Variants in ATP2B2 observed in about 807,000 individuals in gnomAD.
ATP2B2 encodes the protein ATPase plasma membrane Ca2+ transporting 2.
In ATP2B2, 15 loss-of-function variants were observed where a neutral mutation model predicts 120.0. That is an observed-to-expected ratio of 0.12 (90% CI 0.08 to 0.19). The LOEUF (loss-of-function observed/expected upper bound fraction) is 0.19. Among genes scored for constraint, ATP2B2 ranks in the 10% least tolerant of loss-of-function variants. The pLI is 1.00. For synonymous variants in ATP2B2, 694 were observed against 700.3 expected, an observed-to-expected ratio of 0.99 and a Z score of 0.14; for missense variants, 1,045 against 1,719.8, an observed-to-expected ratio of 0.61 and a Z score of 6.94.
At chr3:10,554,641 G>C (rs2067740856) in intron 2 of ATP2B2, among the ~76,000 whole-genome samples, 1 of 152,338 alleles carries the variant, frequency 6.6e-6, no homozygotes, top group South Asian at 2.1e-4. Flanking sequence ...TCAGACTTCT[G>C]ACTACAGAAC....
chr3:10,407,304 A>G (rs560899742), intron 3 of ATP2B2, among the ~76,000 whole-genome samples: 1 of 152,344 alleles, frequency 6.6e-6, no homozygotes. Flanking sequence ...TTCAAACACA[A>G]TGTGAGCACC....
In ATP2B2 at chr3:10,347,078, G is replaced by A. The variant is rs697972; in HGVS notation, c.2405-941C>T. The stretch of plus-strand genomic sequence containing the variant: ...GTCCCCCAGCCATCCCCGGAATGTC[G>A]TTTTCCTGCTTCCCCCCTTGGTCTC... On this transcript the variant is annotated intron_variant, in intron 16 of 22. Coordinates refer to ENST00000360273, the MANE Select transcript of ATP2B2 (RefSeq NM_001001331.4). This position sits in a 1 kb window ranked among gnomAD's most constrained non-coding sequence, Gnocchi z 5.2. 0.16 allele frequency among the ~76,000 whole-genome samples: 23,910 copies of A among 151,966 alleles called. 2,180 individuals carry two copies. The highest frequency in any genetic ancestry group is 0.41 in the East Asian group (2,124 of 5,156).
chr3:10,638,673 G>T (rs2070088709), intron 1 of ATP2B2, among the ~76,000 whole-genome samples: 1 of 152,204 alleles, frequency 6.6e-6, no homozygotes, highest in African/African-American at 2.4e-5. Context: ...GAGATTGTCA[G>T]ATTGGATTAA....
chr3:10,545,542 TTAAA>T (rs2067527412), intron 2 of ATP2B2, among the ~76,000 whole-genome samples: 1 of 145,214 alleles, frequency 6.9e-6, no homozygotes, highest in Non-Finnish European at 1.5e-5. Context: ...AAAAAAAAAA[TTAAA>T]TAAATAAAAA....
At chr3:10,332,223 C>G in intron 22 of ATP2B2, 1 of 588,608 alleles carries the variant, frequency 1.7e-6, no homozygotes, top group Non-Finnish European at 3.1e-6. Context: ...ACTCCTTGCC[C>G]TAGGAGTCGT....
chr3:10,572,474 CCA>C (rs776158077), intron 2 of ATP2B2, among the ~76,000 whole-genome samples: 9 of 152,280 alleles, frequency 5.9e-5, no homozygotes, highest in Non-Finnish European at 1.2e-4. Context: ...TGCTGCTGAA[CCA>C]CACACTTATA....
chr3:10,334,874 A>G (rs1023600965), intron 22 of ATP2B2, among the ~76,000 whole-genome samples: 1 of 152,124 alleles, frequency 6.6e-6, no homozygotes, highest in Non-Finnish European at 1.5e-5. Flanking sequence ...ATAAAGTTTC[A>G]AGGGGTGAGC....
chr3:10,341,546 A>C (rs371350487), intron 19 of ATP2B2, among the ~76,000 whole-genome samples: 2 of 152,214 alleles, frequency 1.3e-5, no homozygotes, highest in African/African-American at 4.8e-5. Context: ...CCTGACCTCA[A>C]GTGATCCACC....
At chr3:10,619,056 C>A (rs77034935) in intron 2 of ATP2B2, among the ~76,000 whole-genome samples, 23 of 152,128 alleles carry the variant, frequency 1.5e-4, no homozygotes, top group African/African-American at 5.3e-4. Context: ...GCACACACAC[C>A]CACCCCCAAG....
chr3:10,625,111 G>T (rs75585575), intron 1 of ATP2B2, among the ~76,000 whole-genome samples: 6,798 of 152,300 alleles, frequency 0.045, 242 homozygotes, highest in South Asian at 0.14. Context: ...GGTTCAGCAG[G>T]CCCCAGAAAC....
At chr3:10,698,541 G>C (rs2071772876) in intron 1 of ATP2B2, among the ~76,000 whole-genome samples, 1 of 152,218 alleles carries the variant, frequency 6.6e-6, no homozygotes, top group Admixed American at 6.5e-5. Flanking sequence ...CTTTGACAAT[G>C]ACCTGCAGAA....
chr3:10,340,591 T>C lies in ATP2B2; in HGVS notation c.3031A>G (p.Ile1011Val), dbSNP rs2060247971. ...TFVMMQLFNE[I>V]NARKIHGERN... ...TCGCCGTGGATCTTGCGGGCGTTGATCTCGTTGAAGAGCTGCATCATGACG... is the reference window on the plus strand; with the variant it reads ...TCGCCGTGGATCTTGCGGGCGTTGACCTCGTTGAAGAGCTGCATCATGACG... Residue 1011 changes from isoleucine (I) to valine (V), a missense_variant, in exon 20 of 23, where the codon ATC (isoleucine) becomes GTC (valine). Ile to Val is a conservative substitution (Grantham distance 29). Transcript: ENST00000360273. This position sits in a 1 kb window ranked among gnomAD's most constrained non-coding sequence, Gnocchi z 5.0. 2 of 1,614,090 alleles carry C rather than the reference T, an allele frequency of 1.2e-6. No individual in the cohort carries two copies. Among genetic ancestry groups the C allele is most frequent in the Non-Finnish European group, 1.7e-6 (2 of 1,180,058 alleles).
rs1006729158 is a variant in ATP2B2, at chr3:10,355,189, G to A, written c.2136+3502C>T. Among the ~76,000 whole-genome samples, 78 of 152,180 alleles carry A rather than the reference G, an allele frequency of 5.1e-4. 1 individual carries two copies. The highest frequency in any genetic ancestry group is 6.5e-5 in the Admixed American group (1 of 15,278). On this transcript the variant is annotated intron_variant, in intron 14 of 22. Coordinates refer to ENST00000360273, the MANE Select transcript of ATP2B2 (RefSeq NM_001001331.4). Reference sequence around the variant, plus strand: ...CACGTCTGAGCTCTTATGCTTGCACGTGGTGTCACCTGTAACCCTGCTGTG... The same window carrying A: ...CACGTCTGAGCTCTTATGCTTGCACATGGTGTCACCTGTAACCCTGCTGTG...
intron 2 of ATP2B2, among the ~76,000 whole-genome samples, chr3:10,582,096 T>C (rs937086704): frequency 2.6e-5 from 4 of 152,194 alleles, no homozygotes; most frequent in Admixed American, 1.3e-4. Context: ...GAGACATACT[T>C]TGGCGCTTGC....
intron 1 of ATP2B2, among the ~76,000 whole-genome samples, chr3:10,650,758 T>C (rs2070438072): frequency 6.6e-6 from 1 of 152,158 alleles, no homozygotes; most frequent in Non-Finnish European, 1.5e-5. Context: ...GTAGGTACAT[T>C]GACAGCTTGC....
Position 10,328,373 on chromosome 3 carries a change from C to A in ATP2B2, c.*441G>T. On this transcript the variant is annotated 3_prime_UTR_variant, in exon 23 of 23. Transcript: ENST00000360273. ...CAGACCAGTGGATTGGATAAATAGT[C>A]TCAGAAAAGAGTCTGTTTGCAGTTC... 5.7e-6 allele frequency: 1 copy of A among 176,928 alleles called. No homozygotes were observed. The highest frequency in any genetic ancestry group is 1.2e-5 in the Non-Finnish European group (1 of 82,198). 11.0% of individuals were successfully genotyped at this position (176,928 alleles called of 1,614,324 possible).
intron 1 of ATP2B2, among the ~76,000 whole-genome samples, chr3:10,623,273 G>T (rs1253912652): frequency 2.0e-5 from 3 of 152,002 alleles, no homozygotes. Flanking sequence ...TTGCTATGCT[G>T]GTCTCAAACT....
chr3:10,584,138 C>T (rs1310902729), intron 2 of ATP2B2, among the ~76,000 whole-genome samples: 1 of 152,056 alleles, frequency 6.6e-6, no homozygotes, highest in African/African-American at 2.4e-5. Flanking sequence ...TGAGGCAGAG[C>T]AGGAGCTGCC....
At chr3:10,530,388 C>T (rs755741898) in intron 3 of ATP2B2, among the ~76,000 whole-genome samples, 10 of 152,208 alleles carry the variant, frequency 6.6e-5, no homozygotes, top group African/African-American at 1.4e-4. Flanking sequence ...ACTGCACAGC[C>T]GGGACCTGCA....
Sources: gnomAD v4.1 joint callset for allele counts (sites outside exome capture counted in the v4.1 genomes callset) on GRCh38, gnomAD v4.1.1 for gene constraint, Gnocchi (gnomAD v3.1) non-coding constraint, MANE v1.5 for transcripts, NCBI Gene and HGNC (gene_info 2026-07-23, HGNC 2026-07-21) for gene names.